The following NR2C2AP variants were observed in gnomAD, a reference collection of about 807,000 sequenced individuals.
NR2C2AP encodes the protein nuclear receptor 2C2 associated protein.
NR2C2AP carries 13 observed loss-of-function variants against 19.1 expected under a neutral mutation model. That is an observed-to-expected ratio of 0.68 (90% CI 0.44 to 1.08). The LOEUF (loss-of-function observed/expected upper bound fraction) is 1.08, where lower values mean the gene tolerates loss of function less well. Among genes scored for constraint, NR2C2AP ranks in the 50% least tolerant of loss-of-function variants. The probability of loss-of-function intolerance (pLI) is 0.00; values close to 1 mark genes in which losing one functional copy is unlikely to be tolerated. For synonymous variants in NR2C2AP, 81 were observed against 64.4 expected (o/e 1.26, Z -1.23); for missense variants, 181 against 172.7 (o/e 1.05, Z -0.27).
intron 1 of NR2C2AP, 66 bp from the exon 2 acceptor site, chr19:19,202,947 G>A (rs1005382287): frequency 6.2e-7 from 1 of 1,606,536 alleles, no homozygotes; most frequent in Non-Finnish European, 8.5e-7. Context: ...CGGAGGGCCT[G>A]ACCCCCAGAT....
chr19:19,202,669 G>C, intron 2 of NR2C2AP, 94 bp from the exon 3 acceptor site: 1 of 1,407,046 alleles, frequency 7.1e-7, no homozygotes, highest in South Asian at 1.2e-5. Context: ...GAATGGAGGG[G>C]AAGAAGGAAA....
At chr19:19,202,998 A>G (rs773408718) in intron 1 of NR2C2AP, 25 bp downstream of exon 1, 2 of 1,614,066 alleles carry the variant, frequency 1.2e-6, no homozygotes, top group East Asian at 2.2e-5. Context: ...GGGCCTCGCC[A>G]CTGCCTGTCC....
chr19:19,203,404 C>T lies in NR2C2AP; in HGVS notation c.-344G>A, dbSNP rs916508667. On this transcript the variant is annotated 5_prime_UTR_variant, in exon 1 of 5. Coordinates refer to ENST00000331552, the MANE Select transcript of NR2C2AP (RefSeq NM_176880.6). The stretch of plus-strand genomic sequence containing the variant: ...TAGCTCTTGGAGCCAAATCTTGGGA[C>T]CCGGAACCGCGTGGGCTTGGCGCAT... 2.2e-5 allele frequency: 9 copies of T among 406,950 alleles called. No individual in the cohort carries two copies. Among genetic ancestry groups the T allele is most frequent in the African/African-American group, 1.8e-4 (9 of 49,248 alleles). The allele number at this position is 406,950 out of a possible 1,614,324, so 25.2% of individuals were successfully genotyped here.
In NR2C2AP at chr19:19,203,254, C is replaced by T. The variant is rs2060744049; in HGVS notation, c.-194G>A. The T allele has an allele frequency of 9.5e-6, 6 of 630,886 alleles. No homozygotes were observed. The South Asian group carries it at 1.1e-4, about 12-fold the overall frequency. The allele number at this position is 630,886 out of a possible 1,614,324, so 39.1% of individuals were successfully genotyped here. A position where few individuals can be genotyped will look rare whatever the true frequency, so the allele number is the denominator to read the frequency against. ...AATGTCGCCTCGATCAATCCCCTGC[C>T]GGAAAATTTGGGAGAGAGGATCAGG... On this transcript the variant is annotated 5_prime_UTR_variant, in exon 1 of 5. Coordinates refer to ENST00000331552, the MANE Select transcript of NR2C2AP (RefSeq NM_176880.6).
chr19:19,202,363 C>T lies in NR2C2AP; in HGVS notation c.271G>A (p.Asp91Asn). 6.2e-7 allele frequency: 1 copy of T among 1,614,218 alleles called. No homozygotes were observed. The highest frequency in any genetic ancestry group is 1.1e-5 in the South Asian group (1 of 91,086). ...QGTQALHKIV[D>N]FYPEDNNSLQ... The stretch of plus-strand genomic sequence containing the variant: ...GAGTTGTTGTCCTCAGGGTAGAAAT[C>T]TACAATCTTGTGGAGAGCCTGAGTG... Residue 91 changes from aspartate to asparagine, a missense_variant, in exon 4 of 5, where the codon GAT becomes AAT. Coordinates refer to ENST00000331552, the MANE Select transcript of NR2C2AP (RefSeq NM_176880.6).
At position 19,203,238 on chromosome 19, in the gene NR2C2AP, T is replaced by A; in HGVS notation, c.-178A>T. On this transcript the variant is annotated 5_prime_UTR_variant, in exon 1 of 5. Coordinates refer to ENST00000331552, the MANE Select transcript of NR2C2AP (RefSeq NM_176880.6). ...GCCCACCCCAGTCCTAAATGTCGCC[T>A]CGATCAATCCCCTGCCGGAAAATTT... 3.0e-6 allele frequency: 2 copies of A among 667,012 alleles called. No individual in the cohort carries two copies. The highest frequency in any genetic ancestry group is 4.5e-5 in the Admixed American group (2 of 44,188). The allele number at this position is 667,012 out of a possible 1,614,324, so 41.3% of individuals were successfully genotyped here.
Position 19,203,340 on chromosome 19 carries a change from G to C in NR2C2AP, c.-280C>G. 1 of 545,634 alleles carries C rather than the reference G, an allele frequency of 1.8e-6. No homozygotes were observed. The highest frequency in any genetic ancestry group is 3.3e-6 in the Non-Finnish European group (1 of 302,574). The allele number at this position is 545,634 out of a possible 1,614,324, so 33.8% of individuals were successfully genotyped here. ...GGAAACAGATTTCCCGCGGGTTTCG[G>C]GGGCGGTGGCTTTTTGTGCGAGGCT... On this transcript the variant is annotated 5_prime_UTR_variant, in exon 1 of 5. Coordinates refer to ENST00000331552, the MANE Select transcript of NR2C2AP (RefSeq NM_176880.6).
chr19:19,202,232 C>T (rs1296718060), intron 4 of NR2C2AP, 99 bp downstream of exon 4: 5 of 1,276,474 alleles, frequency 3.9e-6, no homozygotes, highest in Non-Finnish European at 5.7e-6. Flanking sequence ...CTAGAGGTCA[C>T]GTGTTCAAGA....
Position 19,202,785 on chromosome 19 carries a change from C to T in NR2C2AP, c.129+6G>A. The T allele has an allele frequency of 1.9e-6, 3 of 1,612,712 alleles. No individual in the cohort carries two copies. Reference sequence around the variant, plus strand: ...TAGAGATGGAGGGTCGAGGGAGGCGCCTCACCTGGTCTGAGTTCCAACATG... The same window carrying T: ...TAGAGATGGAGGGTCGAGGGAGGCGTCTCACCTGGTCTGAGTTCCAACATG... On this transcript the variant is annotated splice_donor_region_variant and intron_variant, in intron 2 of 4. Coordinates refer to ENST00000331552, the MANE Select transcript of NR2C2AP (RefSeq NM_176880.6).
rs2060726954 is a variant in NR2C2AP at position 19,201,961 on chromosome 19, G to C, written c.384C>G (p.Val128=). The change falls in exon 5 of 5, where the codon GTC becomes GTG. Residue 128 remains valine, a synonymous_variant. Transcript: ENST00000331552. Reference sequence around the variant, plus strand: ...CCCCAAGCACCCGCAGGTGGTAGATGACCACACGGCCAAAAAAGTCAGTGG... The same window carrying C: ...CCCCAAGCACCCGCAGGTGGTAGATCACCACACGGCCAAAAAAGTCAGTGG... ...EDATDFFGRV[V]IYHLRVLGEK... 2 of 1,614,142 alleles carry C rather than the reference G, an allele frequency of 1.2e-6. No individual in the cohort carries two copies. The highest frequency in any genetic ancestry group is 1.7e-6 in the Non-Finnish European group (2 of 1,180,022).
In NR2C2AP at chr19:19,203,378, A is replaced by C. The variant is rs1295378120; in HGVS notation, c.-318T>G. On this transcript the variant is annotated 5_prime_UTR_variant, in exon 1 of 5. Transcript: ENST00000331552. ...TTTGTGCGAGGCTGTTTCTCTGCGA[A>C]TAGCTCTTGGAGCCAAATCTTGGGA... 3 of 468,124 alleles carry C rather than the reference A, an allele frequency of 6.4e-6. No homozygotes were observed. Among genetic ancestry groups the C allele is most frequent in the African/African-American group, 2.0e-5 (1 of 50,906 alleles). 29.0% of individuals were successfully genotyped at this position (468,124 alleles called of 1,614,324 possible).
chr19:19,201,790 G>T lies in NR2C2AP; in HGVS notation c.*135C>A. 2 of 1,613,162 alleles carry T rather than the reference G, an allele frequency of 1.2e-6. No homozygotes were observed. The highest frequency in any genetic ancestry group is 2.2e-5 in the South Asian group (2 of 90,990). ...GCCAGAGCTGGGGAAACCCAGAACT[G>T]ACTTCAAAGGCAGCTTCTGGACAGG... On this transcript the variant is annotated 3_prime_UTR_variant, in exon 5 of 5. Coordinates refer to ENST00000331552, the MANE Select transcript of NR2C2AP (RefSeq NM_176880.6).
chr19:19,201,902 G>A lies in NR2C2AP; in HGVS notation c.*23C>T, dbSNP rs766369394. 43 of 1,613,878 alleles carry A rather than the reference G, an allele frequency of 2.7e-5. No homozygotes were observed. Among genetic ancestry groups the A allele is most frequent in the Non-Finnish European group, 3.6e-5 (42 of 1,179,952 alleles). On this transcript the variant is annotated 3_prime_UTR_variant, in exon 5 of 5. Transcript: ENST00000331552. ...TGCTGTGCTTCCCGGAGGGCTTCCTGGAGGAGACAGCCCCTAGAGGTCTCA... is the reference window on the plus strand; with the variant it reads ...TGCTGTGCTTCCCGGAGGGCTTCCTAGAGGAGACAGCCCCTAGAGGTCTCA...
At chr19:19,202,130 GATGT>G in intron 4 of NR2C2AP, 89 bp from the exon 5 acceptor site, 1 of 1,353,426 alleles carries the variant, frequency 7.4e-7, no homozygotes, top group African/African-American at 1.4e-5. Flanking sequence ...ACACTCCACC[GATGT>G]GGGCAACCTG....
rs2060717314 is a variant in NR2C2AP, at chr19:19,201,550, T to TC, written c.*374dup. ...TCTGTAATGCAGGTCTCTGCAAGGG[T>TC]CCCTGTTTGTCCCCTAAGGGGAGAG... is the stretch of plus-strand genomic sequence containing the variant. On this transcript the variant is annotated 3_prime_UTR_variant, in exon 5 of 5. Coordinates refer to ENST00000331552, the MANE Select transcript of NR2C2AP (RefSeq NM_176880.6). 6.2e-7 allele frequency: 1 copy of TC among 1,606,290 alleles called. No individual in the cohort carries two copies. The highest frequency in any genetic ancestry group is 1.1e-5 in the South Asian group (1 of 91,094).
chr19:19,201,887 C>T lies in NR2C2AP; in HGVS notation c.*38G>A, dbSNP rs2146523123. 17 of 1,613,728 alleles carry T rather than the reference C, an allele frequency of 1.1e-5. No individual in the cohort carries two copies. The highest frequency in any genetic ancestry group is 1.4e-5 in the Non-Finnish European group (17 of 1,179,784). The stretch of plus-strand genomic sequence containing the variant: ...CAGAATGAGGGACTTTGCTGTGCTT[C>T]CCGGAGGGCTTCCTGGAGGAGACAG... On this transcript the variant is annotated 3_prime_UTR_variant, in exon 5 of 5. Coordinates refer to ENST00000331552, the MANE Select transcript of NR2C2AP (RefSeq NM_176880.6).
intron 1 of NR2C2AP, 69 bp downstream of exon 1, chr19:19,202,954 A>C: frequency 1.9e-6 from 3 of 1,608,628 alleles, no homozygotes; most frequent in East Asian, 2.2e-5. Context: ...CCTGACCCCC[A>C]GATCTGTCCA....
In NR2C2AP at chr19:19,202,402, C is replaced by T. The variant is rs1413227493; in HGVS notation, c.236-4G>A. The T allele has an allele frequency of 6.2e-7, 1 of 1,614,104 alleles. No homozygotes were observed. The highest frequency in any genetic ancestry group is 1.1e-5 in the South Asian group (1 of 91,072). ...AGAGCCTGAGTGCCCTGTGAACCTT[C>T]AGCAGAGAAAGGCAATGAGTGTCTG... is the stretch of plus-strand genomic sequence containing the variant. On this transcript the variant is annotated splice_region_variant and splice_polypyrimidine_tract_variant and intron_variant, in intron 3 of 4. Coordinates refer to ENST00000331552, the MANE Select transcript of NR2C2AP (RefSeq NM_176880.6).
Position 19,201,748 on chromosome 19 carries a change from AGG to A in NR2C2AP, c.*175_*176del, listed in dbSNP as rs769324444. Reference sequence around the variant, plus strand: ...CCGCCTGCCGGGGACTCAGACACTCAGGGAACAAAATGGTCAGCCAGAGCTGG... The same window carrying A: ...CCGCCTGCCGGGGACTCAGACACTCAGAACAAAATGGTCAGCCAGAGCTGG... On this transcript the variant is annotated 3_prime_UTR_variant, in exon 5 of 5. Transcript: ENST00000331552. 1 of 1,613,734 alleles carries A rather than the reference AGG, an allele frequency of 6.2e-7. No individual in the cohort carries two copies. Among genetic ancestry groups the A allele is most frequent in the Non-Finnish European group, 8.5e-7 (1 of 1,179,934 alleles).
Sources: gnomAD v4.1 joint callset for allele counts on GRCh38, gnomAD v4.1.1 for gene constraint, MANE v1.5 for transcripts, NCBI Gene and HGNC (gene_info 2026-07-23, HGNC 2026-07-21) for gene names.